Variants in FANCA observed in about 807,000 individuals in gnomAD.
FANCA encodes FA complementation group A.
FANCA carries 236 observed loss-of-function variants against 194.3 expected under a neutral mutation model. The observed-to-expected ratio is 1.21, with a 90% confidence interval of 1.09 to 1.35. The LOEUF (loss-of-function observed/expected upper bound fraction) is 1.35. Among genes scored for constraint, FANCA ranks in the 40% most tolerant of loss-of-function variants. FANCA has a pLI of 0.00. For missense variants in FANCA, 2,628 were observed against 1,813.9 expected, an observed-to-expected ratio of 1.45 and a Z score of -8.15; for synonymous variants, 1,014 against 715.8, an observed-to-expected ratio of 1.42 and a Z score of -6.65.
Position 89,744,975 on chromosome 16 carries a change from G to T in FANCA, c.3610C>A (p.Arg1204=), listed in dbSNP as rs759303096. Residue 1204 remains arginine (R), a synonymous_variant, in exon 36 of 43, where the codon CGG becomes AGG. Coordinates refer to ENST00000389301, the MANE Select transcript of FANCA (RefSeq NM_000135.4). ...CACACGTACTCGCTGGCAAACTGCC[G>T]GCCTTCTTGTAGCTTCTGCAGTTCC... The part of the protein sequence containing the change: ...PRELQKLQEG[R]QFASDFLSPE... The T allele has an allele frequency of 6.2e-7, 1 of 1,611,776 alleles. No individual in the cohort carries two copies. Among genetic ancestry groups the T allele is most frequent in the Admixed American group, 1.7e-5 (1 of 60,012 alleles).
chr16:89,761,667 C>T (rs939138698), intron 29 of FANCA, among the ~76,000 whole-genome samples: 4 of 152,182 alleles, frequency 2.6e-5, no homozygotes, highest in African/African-American at 9.7e-5. Context: ...CTCCGTTGCA[C>T]AGGCTAAAGT....
intron 3 of FANCA, among the ~76,000 whole-genome samples, chr16:89,811,394 T>TA (rs1437999853): frequency 1.3e-5 from 2 of 152,246 alleles, no homozygotes; most frequent in East Asian, 1.9e-4. Flanking sequence ...AGGAGCACAA[T>TA]AAATTGAGAA....
chr16:89,808,159 G>A, intron 6 of FANCA, 135 bp downstream of exon 6: 2 of 793,668 alleles, frequency 2.5e-6, no homozygotes, highest in South Asian at 1.4e-5. Flanking sequence ...GTATAAATAT[G>A]CAATGCAATC....
At chr16:89,794,607 G>T (rs1190777529) in intron 11 of FANCA, among the ~76,000 whole-genome samples, 1 of 152,168 alleles carries the variant, frequency 6.6e-6, no homozygotes, top group African/African-American at 2.4e-5. Context: ...GCTGTTCAAA[G>T]GAAGCTCAGC....
At chr16:89,811,208 A>T (rs1164494974) in intron 3 of FANCA, 137 bp from the exon 4 acceptor site, 2 of 1,024,754 alleles carry the variant, frequency 2.0e-6, no homozygotes, top group Non-Finnish European at 1.5e-6. Context: ...GAATAGATGC[A>T]AAGGGAAAAA....
At chr16:89,786,616 C>T (rs747649827) in intron 14 of FANCA, among the ~76,000 whole-genome samples, 1 of 152,182 alleles carries the variant, frequency 6.6e-6, no homozygotes, top group African/African-American at 2.4e-5. Context: ...CACACCTGAC[C>T]ATGTGTAGAT....
Position 89,778,806 on chromosome 16 carries a change from CAG to C in FANCA, c.1819_1820del (p.Leu607GlufsTer5), listed in dbSNP as rs2143422286. On this transcript the variant is annotated frameshift_variant, in exon 20 of 43. Transcript: ENST00000389301. LOFTEE classifies it high-confidence loss of function. ...PDSRVAFIES[L>X]KRADKIPPSL... The stretch of plus-strand genomic sequence containing the variant: ...TTCTAACCGTTGCTGCATACCTCTT[CAG>C]AGACTCTATAAACGCCACACGGGAG... The C allele has an allele frequency of 6.2e-7, 1 of 1,614,078 alleles. No individual in the cohort carries two copies. Among genetic ancestry groups the C allele is most frequent in the Non-Finnish European group, 8.5e-7 (1 of 1,179,980 alleles).
chr16:89,748,624 C>A, intron 33 of FANCA, 35 bp downstream of exon 33: 1 of 1,523,102 alleles, frequency 6.6e-7, no homozygotes, highest in Non-Finnish European at 9.1e-7. Context: ...CAGGCACTGA[C>A]AGATCGGACG....
At chr16:89,784,296 G>C (rs2039820605) in intron 15 of FANCA, among the ~76,000 whole-genome samples, 1 of 151,474 alleles carries the variant, frequency 6.6e-6, no homozygotes, top group South Asian at 2.1e-4. Context: ...TGCTTGACCT[G>C]GGAGGTCTAG....
chr16:89,785,899 G>C (rs556618242), intron 14 of FANCA, among the ~76,000 whole-genome samples: 1 of 134,382 alleles, frequency 7.4e-6, no homozygotes, highest in Non-Finnish European at 1.5e-5. Flanking sequence ...CTGTCACCCA[G>C]GCTGGAGTGC....
intron 36 of FANCA, among the ~76,000 whole-genome samples, chr16:89,743,403 G>A (rs573989883): frequency 7.2e-5 from 11 of 152,298 alleles, no homozygotes; most frequent in African/African-American, 1.9e-4. Flanking sequence ...ACAATGCTGT[G>A]GTTTAAGAGA....
At chr16:89,740,598 T>C in intron 38 of FANCA, 1 of 585,838 alleles carries the variant, frequency 1.7e-6, no homozygotes, top group Non-Finnish European at 3.0e-6. Context: ...ATCACACCAC[T>C]GCACTCCAGC....
intron 17 of FANCA, among the ~76,000 whole-genome samples, chr16:89,781,892 G>C (rs1476447450): frequency 8.9e-6 from 1 of 112,812 alleles, no homozygotes; most frequent in African/African-American, 3.9e-5. Context: ...GCCCACTATA[G>C]GCTACTCGGG....
At chr16:89,761,881 T>C (rs2038964405) in intron 29 of FANCA, 68 bp downstream of exon 29, 2 of 1,299,256 alleles carry the variant, frequency 1.5e-6, no homozygotes, top group Non-Finnish European at 2.2e-6. Flanking sequence ...TGCCTCAGCC[T>C]CCCAAAGTGC....
At chr16:89,752,532 A>G (rs1250384101) in intron 30 of FANCA, among the ~76,000 whole-genome samples, 1 of 152,234 alleles carries the variant, frequency 6.6e-6, no homozygotes, top group Non-Finnish European at 1.5e-5. Flanking sequence ...ATATAAAACA[A>G]GAATAGTTAT....
At chr16:89,738,816 C>T (rs776335845) in intron 42 of FANCA, 66 bp downstream of exon 42, 13 of 1,613,900 alleles carry the variant, frequency 8.1e-6, no homozygotes, top group Middle Eastern at 1.6e-4. Flanking sequence ...CAGGCAGGCA[C>T]ATGGCCCAGG....
At chr16:89,772,847 T>C (rs1169525553) in intron 22 of FANCA, among the ~76,000 whole-genome samples, 1 of 151,086 alleles carries the variant, frequency 6.6e-6, no homozygotes, top group Non-Finnish European at 1.5e-5. Flanking sequence ...AGAAACTGCA[T>C]GTTCTCAATC....
At chr16:89,766,136 A>T (rs17226771) in intron 27 of FANCA, among the ~76,000 whole-genome samples, 2,490 of 151,524 alleles carry the variant, frequency 0.016, 80 homozygotes, top group African/African-American at 0.058. Flanking sequence ...AGCTGGGATT[A>T]CAGGCGTGCG....
intron 28 of FANCA, among the ~76,000 whole-genome samples, chr16:89,764,275 C>G (rs1170104164): frequency 2.0e-5 from 3 of 152,144 alleles, no homozygotes; most frequent in South Asian, 2.1e-4. Flanking sequence ...TTGGGAGAAA[C>G]TGAGAAAGTA....
Sources: gnomAD v4.1 joint callset for allele counts (sites outside exome capture counted in the v4.1 genomes callset) on GRCh38, gnomAD v4.1.1 for gene constraint, MANE v1.5 for transcripts, NCBI Gene and HGNC (gene_info 2026-07-23, HGNC 2026-07-21) for gene names.